KASH5: variants seen among roughly 807,000 people sequenced by gnomAD.
The protein encoded by KASH5 is KASH domain containing 5, also known as protein KASH5.
Under a neutral mutation model 84.2 loss-of-function variants are expected in KASH5, and 72 were observed. That is an observed-to-expected ratio of 0.85 (90% confidence interval 0.71 to 1.04). The LOEUF (loss-of-function observed/expected upper bound fraction) is 1.04, where lower values mean the gene tolerates loss of function less well. Ranked by LOEUF, KASH5 falls within the 50% of genes least tolerant of loss-of-function variation. The pLI is 0.00. For missense variants in KASH5, 650 were observed against 701.0 expected, an observed-to-expected ratio of 0.93 and a Z score of 0.82; for synonymous variants, 260 against 279.1, an observed-to-expected ratio of 0.93 and a Z score of 0.68.
chr19:49,400,260 T>G (rs1974319415), intron 9 of KASH5, among the ~76,000 whole-genome samples: 1 of 147,750 alleles, frequency 6.8e-6, no homozygotes, highest in Non-Finnish European at 1.5e-5. Flanking sequence ...GGATTTGAAG[T>G]CAACCTTGAG....
In KASH5 at chr19:49,417,953, C is replaced by G. The variant is rs941079595; in HGVS notation, c.*443C>G. The G allele has an allele frequency of 1.3e-5, 2 of 158,468 alleles. No individual in the cohort carries two copies. The highest frequency in any genetic ancestry group is 4.8e-5 in the African/African-American group (2 of 41,668). 9.8% of individuals were successfully genotyped at this position (158,468 alleles called of 1,614,324 possible). On this transcript the variant is annotated 3_prime_UTR_variant, in exon 20 of 20. Coordinates refer to ENST00000447857, the MANE Select transcript of KASH5 (RefSeq NM_144688.5). The surrounding 1 kb of genome is among the most constrained non-coding windows in gnomAD (Gnocchi z 5.2). ...CAGTGTGCAGTGGGTAGATTCAAAT[C>G]ATATTCATAATAAAAGAGAAGCAGT... is the stretch of plus-strand genomic sequence containing the variant.
chr19:49,398,090 G>A lies in KASH5; in HGVS notation c.576G>A (p.Glu192=), dbSNP rs1294579064. Residue 192 remains glutamate (E), a synonymous_variant, in exon 7 of 20, where the codon GAG becomes GAA. Coordinates refer to ENST00000447857, the MANE Select transcript of KASH5 (RefSeq NM_144688.5). The part of the protein sequence containing the change: ...KLQRSMETAE[E]GSARLGEEIL... The stretch of plus-strand genomic sequence containing the variant: ...AGCGGAGCATGGAGACAGCTGAGGA[G>A]GGGTCAGCACGCCTTGGGGAGGAGA... 4.3e-6 allele frequency: 7 copies of A among 1,612,254 alleles called. No homozygotes were observed. The highest frequency in any genetic ancestry group is 5.9e-6 in the Non-Finnish European group (7 of 1,178,550).
intron 9 of KASH5, among the ~76,000 whole-genome samples, chr19:49,400,364 T>C (rs1974325654): frequency 1.4e-5 from 2 of 147,032 alleles, no homozygotes; most frequent in Middle Eastern, 7.1e-3. Flanking sequence ...TTTTTTTTTT[T>C]TTTCTTTTTT....
At chr19:49,408,883 G>A in intron 12 of KASH5, 84 bp from the exon 13 acceptor site, 2 of 1,430,700 alleles carry the variant, frequency 1.4e-6, no homozygotes, top group Non-Finnish European at 1.9e-6. Context: ...AAAGGGGAAA[G>A]AACCCTGGAA....
intron 9 of KASH5, among the ~76,000 whole-genome samples, chr19:49,400,807 A>G (rs1974340763): frequency 6.6e-6 from 1 of 152,188 alleles, no homozygotes; most frequent in South Asian, 2.1e-4. Context: ...TCAGCTTCAC[A>G]TTTAATTCAA....
chr19:49,409,577 G>A (rs1265343466), intron 14 of KASH5, among the ~76,000 whole-genome samples, 176 bp from the exon 15 acceptor site: 1 of 151,982 alleles, frequency 6.6e-6, no homozygotes, highest in Non-Finnish European at 1.5e-5. Flanking sequence ...CCTTGGTCCT[G>A]GCACCAAATC....
chr19:49,409,732 C>T (rs763758847), intron 14 of KASH5, 21 bp from the exon 15 acceptor site: 11 of 1,613,524 alleles, frequency 6.8e-6, no homozygotes, highest in South Asian at 3.3e-5. Flanking sequence ...TCCCTGACCT[C>T]GGAAACAACT....
intron 9 of KASH5, among the ~76,000 whole-genome samples, chr19:49,405,514 A>G (rs1347318113): frequency 1.3e-4 from 19 of 151,860 alleles, no homozygotes; most frequent in Admixed American, 1.2e-3. Flanking sequence ...ATGAGATGAT[A>G]CTGAGTTATT....
chr19:49,394,331 C>G (rs1222557663), intron 2 of KASH5, 145 bp from the exon 3 acceptor site: 4 of 612,440 alleles, frequency 6.5e-6, no homozygotes, highest in Non-Finnish European at 1.2e-5. Flanking sequence ...CCTGAAGCTT[C>G]CTGCTGTTCC....
intron 9 of KASH5, among the ~76,000 whole-genome samples, chr19:49,404,490 C>T (rs1373713008): frequency 6.6e-6 from 1 of 152,194 alleles, no homozygotes; most frequent in Non-Finnish European, 1.5e-5. Context: ...AACGCCTCCT[C>T]AGGAAGCCTG....
At chr19:49,390,685 A>G (rs898434872) in intron 1 of KASH5, 104 bp from the exon 2 acceptor site, 2 of 550,566 alleles carry the variant, frequency 3.6e-6, no homozygotes, top group African/African-American at 2.0e-5. Context: ...GGGGGTGACA[A>G]ACAGGTTGTG....
At position 49,397,665 on chromosome 19, in the gene KASH5, G is replaced by C; in HGVS notation, c.415G>C (p.Glu139Gln). Residue 139 changes from glutamate to glutamine, a missense_variant, in exon 6 of 20, where the codon GAG (glutamate) becomes CAG (glutamine). Transcript: ENST00000447857. ...RQLPSGCPEA[E>Q]EPANLESFGG... ...TCTCCCTCCAGGATGCCCAGAAGCT[G>C]AGGAGCCAGCCAACCTGGAGAGCTT... is the stretch of plus-strand genomic sequence containing the variant. 1 of 1,613,908 alleles carries C rather than the reference G, an allele frequency of 6.2e-7. No homozygotes were observed. The highest frequency in any genetic ancestry group is 1.7e-5 in the Admixed American group (1 of 60,010).
At position 49,406,763 on chromosome 19, in the gene KASH5, A is replaced by G. The variant is rs1974538983; in HGVS notation, c.799-123A>G. 5.9e-6 allele frequency: 5 copies of G among 843,086 alleles called. No individual in the cohort carries two copies. In the East Asian group the frequency reaches 1.3e-4, roughly 23 times the overall value. 52.2% of individuals were successfully genotyped at this position (843,086 alleles called of 1,614,324 possible). A position where few individuals can be genotyped will look rare whatever the true frequency, so the allele number is the denominator to read the frequency against. On this transcript the variant is annotated intron_variant, in intron 9 of 19. Coordinates refer to ENST00000447857, the MANE Select transcript of KASH5 (RefSeq NM_144688.5). ...ATGGTTGGAGGAATTAAATGGGTTA[A>G]AACATATGAAGTGCTTAGCATGAGG...
At chr19:49,409,139 G>T (rs775763328) in intron 13 of KASH5, 57 bp from the exon 14 acceptor site, 98 of 1,598,918 alleles carry the variant, frequency 6.1e-5, no homozygotes, top group Non-Finnish European at 8.2e-5. Context: ...AGCATGAGCT[G>T]ACTGAGTGGC....
intron 1 of KASH5, among the ~76,000 whole-genome samples, chr19:49,388,774 G>T (rs562216929): frequency 6.6e-6 from 1 of 151,186 alleles, no homozygotes; most frequent in Non-Finnish European, 1.5e-5. Flanking sequence ...GTTGACCCCC[G>T]AAATCCTGTC....
intron 10 of KASH5, 55 bp from the exon 11 acceptor site, chr19:49,407,185 G>A: frequency 3.1e-6 from 5 of 1,596,946 alleles, no homozygotes; most frequent in Non-Finnish European, 3.4e-6. Flanking sequence ...GTGGAGGGCA[G>A]GACCAAGGGG....
At position 49,414,946 on chromosome 19, in the gene KASH5, C is replaced by T. The variant is rs1974853516; in HGVS notation, c.1329-5C>T. 2.5e-6 allele frequency: 4 copies of T among 1,612,320 alleles called. No homozygotes were observed. The highest frequency in any genetic ancestry group is 3.4e-6 in the Non-Finnish European group (4 of 1,179,304). On this transcript the variant is annotated splice_polypyrimidine_tract_variant and splice_region_variant and intron_variant, in intron 16 of 19. Coordinates refer to ENST00000447857, the MANE Select transcript of KASH5 (RefSeq NM_144688.5). This position sits in a 1 kb window ranked among gnomAD's most constrained non-coding sequence, Gnocchi z 4.5. ...GAAGCCAGCAGTGACTTTGTTGGCC[C>T]TCAGGTTGACCAGAAGAGAGGAAGA...
At position 49,417,074 on chromosome 19, in the gene KASH5, A is replaced by G. The variant is rs951386211; in HGVS notation, c.1434A>G (p.Pro478=). 6.3e-7 allele frequency: 1 copy of G among 1,599,068 alleles called. No homozygotes were observed. The highest frequency in any genetic ancestry group is 1.3e-5 in the African/African-American group (1 of 74,664). The stretch of plus-strand genomic sequence containing the variant: ...CTGGAGACATCCCAGAAAACCCTCC[A>G]GAGAGGTAATAGGACCCACAGGGTC... ...PRPGDIPENP[P]ERPARRELQQ... is the part of the protein sequence containing the mutation. Residue 478 remains proline, a synonymous_variant, in exon 18 of 20, where the codon CCA becomes CCG. Transcript: ENST00000447857. The surrounding 1 kb of genome is among the most constrained non-coding windows in gnomAD (Gnocchi z 5.2).
Position 49,395,322 on chromosome 19 carries a change from G to A in KASH5, c.335+30G>A. 2 of 1,604,216 alleles carry A rather than the reference G, an allele frequency of 1.2e-6. No homozygotes were observed. Among genetic ancestry groups the A allele is most frequent in the Admixed American group, 1.8e-5 (1 of 56,884 alleles). Reference sequence around the variant, plus strand: ...GTCCCCACATCTTCATCCTCCTCTGGGAAGTCCTTCCTAAGATCTAACCTC... The same window carrying A: ...GTCCCCACATCTTCATCCTCCTCTGAGAAGTCCTTCCTAAGATCTAACCTC... On this transcript the variant is annotated intron_variant, in intron 4 of 19. Coordinates refer to ENST00000447857, the MANE Select transcript of KASH5 (RefSeq NM_144688.5). This position sits in a 1 kb window ranked among gnomAD's most constrained non-coding sequence, Gnocchi z 4.4.
Sources: allele counts gnomAD v4.1 joint callset (sites outside exome capture counted in the v4.1 genomes callset), GRCh38; gene constraint gnomAD v4.1.1; non-coding constraint Gnocchi (gnomAD v3.1); transcripts MANE v1.5; gene names NCBI Gene and HGNC (gene_info 2026-07-23, HGNC 2026-07-21).